Variants in CCM2 observed in about 807,000 individuals in gnomAD.
CCM2 encodes CCM2 scaffold protein, also known as cerebral cavernous malformations 2 protein.
Under a neutral mutation model 44.9 loss-of-function variants are expected in CCM2, and 25 were observed. That is an observed-to-expected ratio of 0.56 (90% CI 0.41 to 0.78). The LOEUF (loss-of-function observed/expected upper bound fraction) is 0.78, where lower values mean the gene tolerates loss of function less well. Among genes scored for constraint, CCM2 ranks in the 30% least tolerant of loss-of-function variants. The pLI is 0.00. For synonymous variants in CCM2, 219 were observed against 241.1 expected (o/e 0.91, Z 0.85); for missense variants, 481 against 580.6 (o/e 0.83, Z 1.76).
Position 45,076,253 on chromosome 7 carries a change from G to T in CCM2, c.*196G>T. ...CGAGGGACACGAGCCTCAGTGCGGG[G>T]TGGAAGGCTCTTTGCCTTGTCCACC... On this transcript the variant is annotated 3_prime_UTR_variant, in exon 10 of 10. Coordinates refer to ENST00000258781, the MANE Select transcript of CCM2 (RefSeq NM_031443.4). The T allele has an allele frequency of 2.6e-6, 2 of 783,790 alleles. No individual in the cohort carries two copies. Among genetic ancestry groups the T allele is most frequent in the African/African-American group, 3.4e-5 (2 of 58,810 alleles). The allele number at this position is 783,790 out of a possible 1,614,324, so 48.6% of individuals were successfully genotyped here. A position where few individuals can be genotyped will look rare whatever the true frequency, so the allele number is the denominator to read the frequency against.
intron 1 of CCM2, among the ~76,000 whole-genome samples, chr7:45,013,427 T>TA (rs2128715104): frequency 6.6e-6 from 1 of 152,226 alleles, no homozygotes; most frequent in South Asian, 2.1e-4. Context: ...AGAGCCCTCA[T>TA]ACGCCTTCCA....
rs1394789387 is a variant in CCM2 at position 45,000,373 on chromosome 7, C to T, written c.30+10C>T. The stretch of plus-strand genomic sequence containing the variant: ...CAAGAAGGGCAAGAAGGTGAGCGTG[C>T]GCGGGGGCGTCCTACTGCTGTGGTC... On this transcript the variant is annotated intron_variant, in intron 1 of 9. Transcript: ENST00000258781. The T allele has an allele frequency of 3.9e-6, 5 of 1,287,850 alleles. No individual in the cohort carries two copies. Among genetic ancestry groups the T allele is most frequent in the African/African-American group, 1.6e-5 (1 of 63,286 alleles). 79.8% of individuals were successfully genotyped at this position (1,287,850 alleles called of 1,614,324 possible). A position where few individuals can be genotyped will look rare whatever the true frequency, so the allele number is the denominator to read the frequency against.
chr7:45,074,709 G>A (rs1266633014), intron 9 of CCM2, among the ~76,000 whole-genome samples: 2 of 152,232 alleles, frequency 1.3e-5, no homozygotes, highest in South Asian at 2.1e-4. Context: ...CAGGAGCAGG[G>A]CTGGGAGTGA....
At chr7:45,007,707 A>G (rs1795900502) in intron 1 of CCM2, among the ~76,000 whole-genome samples, 1 of 152,202 alleles carries the variant, frequency 6.6e-6, no homozygotes, top group Non-Finnish European at 1.5e-5. Context: ...TTTTGTTTGC[A>G]GCTTAGGATG....
chr7:45,005,043 A>G (rs1015634187), intron 1 of CCM2, among the ~76,000 whole-genome samples: 3 of 150,044 alleles, frequency 2.0e-5, no homozygotes, highest in Non-Finnish European at 4.4e-5. Flanking sequence ...AACCGATTCT[A>G]TAACTGTCAC....
chr7:45,064,496 G>A lies in CCM2; in HGVS notation c.322G>A (p.Glu108Lys). The A allele has an allele frequency of 3.7e-6, 6 of 1,613,654 alleles. No homozygotes were observed. The highest frequency in any genetic ancestry group is 5.1e-6 in the Non-Finnish European group (6 of 1,179,898). Residue 108 changes from glutamate to lysine, a missense_variant, in exon 4 of 10, where the codon GAG (glutamate) becomes AAG (lysine). Glu to Lys is a moderately conservative substitution (Grantham distance 56). Coordinates refer to ENST00000258781, the MANE Select transcript of CCM2 (RefSeq NM_031443.4). ...AHQLPGHLTQEHDAVLSLSAY... is the reference protein window; with the variant it reads ...AHQLPGHLTQKHDAVLSLSAY... ...CCAGCTTCCGGGACACTTGACTCAG[G>A]AGCACGATGCTGTGCTCAGCCTGTC... is the stretch of plus-strand genomic sequence containing the variant.
In CCM2 at chr7:45,008,511, C is replaced by T. The variant is rs376190206; in HGVS notation, c.30+8148C>T. ...CCAAGTAGCTGGGATTACAGGCATGCGCCACCAAGTCCGGCTAATTTTGTA... is the reference window on the plus strand; with the variant it reads ...CCAAGTAGCTGGGATTACAGGCATGTGCCACCAAGTCCGGCTAATTTTGTA... On this transcript the variant is annotated intron_variant, in intron 1 of 9. Coordinates refer to ENST00000258781, the MANE Select transcript of CCM2 (RefSeq NM_031443.4). Among the ~76,000 whole-genome samples the T allele has an allele frequency of 7.9e-5, 12 of 152,096 alleles. No homozygotes were observed. In the South Asian group the frequency reaches 1.0e-3, roughly 13 times the overall value.
intron 1 of CCM2, among the ~76,000 whole-genome samples, chr7:45,029,879 T>G (rs1796877552): frequency 6.6e-6 from 1 of 152,222 alleles, no homozygotes; most frequent in African/African-American, 2.4e-5. Flanking sequence ...GTTTCCAACT[T>G]TAAGAGTTGT....
chr7:45,052,999 T>C (rs1291693241), intron 2 of CCM2, among the ~76,000 whole-genome samples: 3 of 152,348 alleles, frequency 2.0e-5, no homozygotes, highest in East Asian at 3.9e-4. Context: ...ACGTCTCTTA[T>C]ATTCAGGGAA....
At chr7:45,067,474 A>G (rs550767727) in intron 4 of CCM2, among the ~76,000 whole-genome samples, 1 of 152,192 alleles carries the variant, frequency 6.6e-6, no homozygotes, top group Non-Finnish European at 1.5e-5. Context: ...ATTATTTTCA[A>G]TAATATATTT....
chr7:45,049,912 A>G (rs1583931006), intron 2 of CCM2, among the ~76,000 whole-genome samples: 1 of 152,378 alleles, frequency 6.6e-6, no homozygotes, highest in East Asian at 1.9e-4. Flanking sequence ...TAAAAAATAC[A>G]GTGTAACAAC....
chr7:45,048,982 G>T (rs559339209), intron 2 of CCM2, among the ~76,000 whole-genome samples: 5 of 152,216 alleles, frequency 3.3e-5, no homozygotes, highest in African/African-American at 1.2e-4. Flanking sequence ...TTGAGACAGG[G>T]TCTCACTCTG....
intron 2 of CCM2, among the ~76,000 whole-genome samples, chr7:45,041,429 C>T (rs536927295): frequency 2.4e-4 from 37 of 152,198 alleles, no homozygotes; most frequent in African/African-American, 8.9e-4. Flanking sequence ...CGCAGACCAC[C>T]CAGGACCCAG....
chr7:45,004,817 T>G (rs1184868941), intron 1 of CCM2, among the ~76,000 whole-genome samples: 1 of 152,032 alleles, frequency 6.6e-6, no homozygotes, highest in Non-Finnish European at 1.5e-5. Context: ...CCAGCCATGG[T>G]GAAACCCCAT....
At chr7:45,058,281 G>T (rs1798356264) in intron 2 of CCM2, among the ~76,000 whole-genome samples, 2 of 152,078 alleles carry the variant, frequency 1.3e-5, no homozygotes, top group Admixed American at 6.5e-5. Context: ...TAGGGGGAAG[G>T]TATCTAACTT....
intron 2 of CCM2, among the ~76,000 whole-genome samples, chr7:45,049,130 A>G (rs1797886029): frequency 6.6e-6 from 1 of 151,838 alleles, no homozygotes; most frequent in Admixed American, 6.6e-5. Context: ...TAATTTTTGT[A>G]TTTTTTTGTG....
chr7:45,012,724 T>G (rs1796116618), intron 1 of CCM2, among the ~76,000 whole-genome samples: 1 of 151,742 alleles, frequency 6.6e-6, no homozygotes. Context: ...CTGGCTAATT[T>G]TTTTTTTTTT....
chr7:45,071,733 T>A (rs1799083496), intron 6 of CCM2: 1 of 456,508 alleles, frequency 2.2e-6, no homozygotes, highest in African/African-American at 2.0e-5. Context: ...CTCATGGCCC[T>A]TCCTCTGTCT....
chr7:45,020,892 C>T (rs929864164), intron 1 of CCM2, among the ~76,000 whole-genome samples: 12 of 152,126 alleles, frequency 7.9e-5, no homozygotes, highest in African/African-American at 2.9e-4. Context: ...TTTGTGTATG[C>T]TTTTCTGTGT....
Sources: allele counts gnomAD v4.1 joint callset (sites outside exome capture counted in the v4.1 genomes callset), GRCh38; gene constraint gnomAD v4.1.1; transcripts MANE v1.5; gene names NCBI Gene and HGNC (gene_info 2026-07-23, HGNC 2026-07-21).